The following RNF150 variants were observed in gnomAD, a reference collection of about 807,000 sequenced individuals.
RNF150 encodes ring finger protein 150.
Under a neutral mutation model 39.3 loss-of-function variants are expected in RNF150, and 24 were observed. The ratio of observed to expected loss-of-function variants is 0.61; its 90% CI spans 0.44 to 0.86. The LOEUF (loss-of-function observed/expected upper bound fraction) is 0.86, where lower values mean the gene tolerates loss of function less well. Among genes scored for constraint, RNF150 ranks in the 40% least tolerant of loss-of-function variants. The pLI, the probability that RNF150 is intolerant of heterozygous loss-of-function variation, is 0.00. For synonymous variants in RNF150, 255 were observed against 227.3 expected (o/e 1.12, Z -1.10); for missense variants, 502 against 587.8 (o/e 0.85, Z 1.51).
chr4:140,901,157 T>C (rs1346057), intron 6 of RNF150, among the ~76,000 whole-genome samples: 148,557 of 152,318 alleles, frequency 0.98, 72,543 homozygotes, highest in East Asian at 1. Context: ...GGTTTTATGA[T>C]ATTAGCAGGG....
chr4:141,108,288 C>A (rs1333026722), intron 1 of RNF150, among the ~76,000 whole-genome samples: 1 of 152,148 alleles, frequency 6.6e-6, no homozygotes, highest in African/African-American at 2.4e-5. Flanking sequence ...CAGTTAGGAC[C>A]AGCACTGTTT....
chr4:141,070,156 G>C (rs1292119253), intron 1 of RNF150, among the ~76,000 whole-genome samples: 1 of 152,158 alleles, frequency 6.6e-6, no homozygotes, highest in Admixed American at 6.5e-5. Flanking sequence ...AATAAATGGT[G>C]CTGGGAAAAC....
intron 1 of RNF150, among the ~76,000 whole-genome samples, chr4:141,043,426 T>C (rs1736444032): frequency 6.6e-6 from 1 of 152,110 alleles, no homozygotes; most frequent in Non-Finnish European, 1.5e-5. Context: ...ATTCATAAAA[T>C]GCAAAATGGC....
intron 1 of RNF150, among the ~76,000 whole-genome samples, chr4:141,209,132 T>G (rs1728421300): frequency 6.6e-6 from 1 of 152,132 alleles, no homozygotes; most frequent in Non-Finnish European, 1.5e-5. Flanking sequence ...CTTGCATTCT[T>G]GGCATAACAG....
At chr4:140,918,953 G>A (rs1578964421) in intron 5 of RNF150, among the ~76,000 whole-genome samples, 1 of 152,244 alleles carries the variant, frequency 6.6e-6, no homozygotes, top group East Asian at 1.9e-4. Flanking sequence ...TATCTCAATA[G>A]ATGCAGAAAA....
chr4:141,211,263 T>G (rs931822823), intron 1 of RNF150, among the ~76,000 whole-genome samples: 2 of 152,202 alleles, frequency 1.3e-5, no homozygotes, highest in Non-Finnish European at 2.9e-5. Flanking sequence ...AAATCACATT[T>G]ATTTTATATG....
chr4:141,159,664 T>G (rs1351065939), intron 1 of RNF150, among the ~76,000 whole-genome samples: 1 of 152,088 alleles, frequency 6.6e-6, no homozygotes, highest in Non-Finnish European at 1.5e-5. Flanking sequence ...CACCACAGCC[T>G]CCCAAGTAGC....
At chr4:141,024,037 C>G (rs1266016960) in intron 1 of RNF150, among the ~76,000 whole-genome samples, 2 of 152,106 alleles carry the variant, frequency 1.3e-5, no homozygotes, top group East Asian at 3.9e-4. Flanking sequence ...TTTCCAGAGC[C>G]AAGCTAAAGA....
upstream of RNF150, among the ~76,000 whole-genome samples, chr4:141,136,733 T>C (rs535329639): frequency 6.6e-6 from 1 of 152,342 alleles, no homozygotes; most frequent in African/African-American, 2.4e-5. Flanking sequence ...ATAAGATTCT[T>C]GCTCTCATGG....
At chr4:140,914,031 G>A (rs1010423367) in intron 5 of RNF150, among the ~76,000 whole-genome samples, 14 of 152,174 alleles carry the variant, frequency 9.2e-5, no homozygotes, top group African/African-American at 3.4e-4. Context: ...ATACGTAAAT[G>A]CAATCATATG....
chr4:141,106,667 G>A (rs188150189), intron 1 of RNF150, among the ~76,000 whole-genome samples: 12 of 152,154 alleles, frequency 7.9e-5, no homozygotes, highest in Admixed American at 5.2e-4. Flanking sequence ...GGTGGTGGGC[G>A]CCTGTAGTCC....
chr4:141,209,564 CTATG>C (rs1728430272), intron 1 of RNF150, among the ~76,000 whole-genome samples: 1 of 152,104 alleles, frequency 6.6e-6, no homozygotes, highest in Admixed American at 6.5e-5. Context: ...CTAAAAATAA[CTATG>C]TATTTATTCA....
intron 1 of RNF150, among the ~76,000 whole-genome samples, chr4:141,084,681 T>G (rs1738288080): frequency 6.6e-6 from 1 of 152,214 alleles, no homozygotes; most frequent in Non-Finnish European, 1.5e-5. Flanking sequence ...TACTTAGGAA[T>G]AAGCCTGGAG....
At chr4:141,103,161 T>C (rs544508883) in intron 1 of RNF150, among the ~76,000 whole-genome samples, 4 of 152,294 alleles carry the variant, frequency 2.6e-5, no homozygotes, top group Non-Finnish European at 4.4e-5. Context: ...ACATGAGAGA[T>C]AAAGACTGCT....
Position 141,080,335 on chromosome 4 carries a change from C to A in RNF150, c.484+51990G>T, listed in dbSNP as rs115491684. Among the ~76,000 whole-genome samples, 310 of 152,258 alleles carry A rather than the reference C, an allele frequency of 2.0e-3. 1 individual carries two copies. The highest frequency in any genetic ancestry group is 7.1e-3 in the African/African-American group (297 of 41,572). On this transcript the variant is annotated intron_variant, in intron 1 of 6. Coordinates refer to ENST00000515673, the MANE Select transcript of RNF150 (RefSeq NM_020724.2). Reference sequence around the variant, plus strand: ...ATTTTGTTTGTATTTTTTACAATGACAAATACGAAACAAAACCTCTGGTTC... The same window carrying A: ...ATTTTGTTTGTATTTTTTACAATGAAAAATACGAAACAAAACCTCTGGTTC...
rs578143433 is a variant in RNF150, at chr4:140,965,735, C to T, written c.735+1888G>A. ...CAAATGTCCAGAGATAGAGAATAAA[C>T]AAGCGGTTACCGGAGTGGGGGAGTG... On this transcript the variant is annotated intron_variant, in intron 2 of 6. Coordinates refer to ENST00000515673, the MANE Select transcript of RNF150 (RefSeq NM_020724.2). Among the ~76,000 whole-genome samples the T allele has an allele frequency of 2.0e-5, 3 of 152,080 alleles. No individual in the cohort carries two copies. In the South Asian group the frequency reaches 6.2e-4, roughly 32 times the overall value.
At chr4:140,951,231 T>A (rs141997206) in intron 2 of RNF150, among the ~76,000 whole-genome samples, 1 of 152,166 alleles carries the variant, frequency 6.6e-6, no homozygotes, top group Non-Finnish European at 1.5e-5. Context: ...TCCTGTTAGA[T>A]TGCCCTCAGA....
chr4:140,886,190 C>CAAAAAAAAA (rs1171164182), intron 6 of RNF150, among the ~76,000 whole-genome samples: 15 of 73,324 alleles, frequency 2.0e-4, no homozygotes, highest in Admixed American at 3.6e-4. Flanking sequence ...GACTCCATCA[C>CAAAAAAAAA]AAAAAAAAAA....
At position 140,999,985 on chromosome 4, in the gene RNF150, A is replaced by AGAAGAAGAAG. The variant is rs374509935; in HGVS notation, c.485-32113_485-32112insCTTCTTCTTC. The stretch of plus-strand genomic sequence containing the variant: ...GAAGAAGAAGAAGAAGAAAAGAAGA[A>AGAAGAAGAAG]AAGAAGAAAAGAAGAAGAAGAAGAA... On this transcript the variant is annotated intron_variant, in intron 1 of 6. Transcript: ENST00000515673. Among the ~76,000 whole-genome samples the AGAAGAAGAAG allele has an allele frequency of 1.9e-3, 73 of 38,992 alleles. 7 individuals carry two copies. The highest frequency in any genetic ancestry group is 3.2e-3 in the Non-Finnish European group (56 of 17,558). The allele number at this position is 38,992 out of a possible 152,430, so 25.6% of individuals were successfully genotyped here.
Sources: gnomAD v4.1 joint callset for allele counts (sites outside exome capture counted in the v4.1 genomes callset) on GRCh38, gnomAD v4.1.1 for gene constraint, MANE v1.5 for transcripts, NCBI Gene and HGNC (gene_info 2026-07-23, HGNC 2026-07-21) for gene names.